The following TAFA2 variants were observed in gnomAD, a reference collection of about 807,000 sequenced individuals.
The protein encoded by TAFA2 is TAFA chemokine like family member 2.
TAFA2 carries 7 observed loss-of-function variants against 18.8 expected under a neutral mutation model. The observed-to-expected ratio is 0.37, with a 90% CI of 0.21 to 0.70. The LOEUF (loss-of-function observed/expected upper bound fraction) is 0.70, where lower values mean the gene tolerates loss of function less well. Ranked by LOEUF, TAFA2 falls within the 30% of genes least tolerant of loss-of-function variation. The probability of loss-of-function intolerance (pLI) is 0.53; values close to 1 mark genes in which losing one functional copy is unlikely to be tolerated. For synonymous variants in TAFA2, 60 were observed against 54.2 expected (o/e 1.11, Z -0.47); for missense variants, 122 against 158.1 (o/e 0.77, Z 1.23).
chr12:62,124,444 A>C (rs1306152724), intron 1 of TAFA2, among the ~76,000 whole-genome samples: 1 of 152,170 alleles, frequency 6.6e-6, no homozygotes, highest in Non-Finnish European at 1.5e-5. Flanking sequence ...AGAAAATGGA[A>C]TCACAAAGTG....
At chr12:61,955,779 AT>A (rs1364961885) in intron 1 of TAFA2, among the ~76,000 whole-genome samples, 1 of 150,870 alleles carries the variant, frequency 6.6e-6, no homozygotes, top group African/African-American at 2.4e-5. Context: ...AAATGTCTTA[AT>A]TTAATGTACA....
chr12:61,826,930 CT>C (rs1326942199), intron 2 of TAFA2, among the ~76,000 whole-genome samples: 1 of 152,030 alleles, frequency 6.6e-6, no homozygotes, highest in Non-Finnish European at 1.5e-5. Context: ...AAAAATTACA[CT>C]GACAAAATGA....
At chr12:61,867,199 T>C in intron 2 of TAFA2, 121 bp downstream of exon 2, 1 of 649,024 alleles carries the variant, frequency 1.5e-6, no homozygotes, top group South Asian at 1.8e-5. Context: ...TAAAGAAAAC[T>C]GCCAGGGGGA....
rs17125387 is a variant in TAFA2 at position 61,826,946 on chromosome 12, T to C, written c.106+40374A>G. 1.4e-3 allele frequency among the ~76,000 whole-genome samples: 210 copies of C among 152,194 alleles called. 4 individuals are homozygous for C. The highest frequency in any genetic ancestry group is 4.9e-3 in the African/African-American group (202 of 41,554). On this transcript the variant is annotated intron_variant, in intron 2 of 4. Coordinates refer to ENST00000416284, the MANE Select transcript of TAFA2 (RefSeq NM_178539.5). ...AAAATTACACTGACAAAATGACCTA[T>C]ACAGCAAGGACTGCAGGTTGTTCTC... is the stretch of plus-strand genomic sequence containing the variant.
chr12:62,064,725 C>G (rs1302643818), intron 1 of TAFA2, among the ~76,000 whole-genome samples: 1 of 152,068 alleles, frequency 6.6e-6, no homozygotes, highest in African/African-American at 2.4e-5. Flanking sequence ...TGCATTCCCT[C>G]ATAAGTGCTA....
intron 2 of TAFA2, among the ~76,000 whole-genome samples, chr12:61,794,039 A>G (rs987711544): frequency 3.9e-5 from 6 of 151,976 alleles, no homozygotes; most frequent in African/African-American, 7.2e-5. Context: ...AACTAGGTAT[A>G]GAAAACAACT....
At chr12:62,055,696 AC>A (rs1882170705) in intron 1 of TAFA2, among the ~76,000 whole-genome samples, 1 of 152,164 alleles carries the variant, frequency 6.6e-6, no homozygotes, top group African/African-American at 2.4e-5. Context: ...TCAGGTTATA[AC>A]CTTTTTATAA....
chr12:61,844,168 C>A (rs1873306690), intron 2 of TAFA2, among the ~76,000 whole-genome samples: 1 of 152,064 alleles, frequency 6.6e-6, no homozygotes, highest in South Asian at 2.1e-4. Context: ...CAATGAGAAT[C>A]CCACATTAAA....
In TAFA2 at chr12:61,708,333, G is replaced by A. The variant is rs1290073925; in HGVS notation, c.*2073C>T. ...AATAGTCACAACATTAATCTACTGGGGATAATCTAGTTAGTATATTTGAAA... is the reference window on the plus strand; with the variant it reads ...AATAGTCACAACATTAATCTACTGGAGATAATCTAGTTAGTATATTTGAAA... On this transcript the variant is annotated 3_prime_UTR_variant, in exon 5 of 5. Coordinates refer to ENST00000416284, the MANE Select transcript of TAFA2 (RefSeq NM_178539.5). The A allele has an allele frequency of 1.3e-5, 2 of 151,598 alleles. No homozygotes were observed. Among genetic ancestry groups the A allele is most frequent in the South Asian group, 4.2e-4 (2 of 4,802 alleles). The allele number at this position is 151,598 out of a possible 1,614,324, so 9.4% of individuals were successfully genotyped here. A position where few individuals can be genotyped will look rare whatever the true frequency, so the allele number is the denominator to read the frequency against.
At chr12:62,069,446 A>C (rs1429933420) in intron 1 of TAFA2, among the ~76,000 whole-genome samples, 1 of 152,178 alleles carries the variant, frequency 6.6e-6, no homozygotes, top group African/African-American at 2.4e-5. Context: ...TCTAGGGCTT[A>C]AGGTACTTCC....
chr12:61,811,075 A>G (rs1035013394), intron 2 of TAFA2, among the ~76,000 whole-genome samples: 2 of 151,312 alleles, frequency 1.3e-5, no homozygotes, highest in Admixed American at 6.6e-5. Context: ...TATTAATGTT[A>G]TATAACTTAT....
intron 2 of TAFA2, among the ~76,000 whole-genome samples, chr12:61,810,323 T>G (rs1366188155): frequency 6.6e-6 from 1 of 151,296 alleles, no homozygotes; most frequent in East Asian, 1.9e-4. Flanking sequence ...TTACTTTGTT[T>G]TTTTTTTTTA....
At chr12:62,063,213 A>C (rs1283065790) in intron 1 of TAFA2, among the ~76,000 whole-genome samples, 3 of 152,166 alleles carry the variant, frequency 2.0e-5, no homozygotes, top group African/African-American at 4.8e-5. Flanking sequence ...TTCAGCATGA[A>C]AGTTGTCCTG....
At chr12:61,815,618 G>A (rs572896698) in intron 2 of TAFA2, among the ~76,000 whole-genome samples, 3 of 150,044 alleles carry the variant, frequency 2.0e-5, no homozygotes, top group South Asian at 2.1e-4. Context: ...AGCCGAGATC[G>A]TGCCACTGCA....
intron 1 of TAFA2, among the ~76,000 whole-genome samples, chr12:62,058,156 A>G (rs749595569): frequency 6.6e-6 from 1 of 152,186 alleles, no homozygotes; most frequent in Non-Finnish European, 1.5e-5. Flanking sequence ...TGAGAAGTCA[A>G]CTATGCCTGT....
At chr12:61,721,956 A>C (rs1434792399) in intron 4 of TAFA2, among the ~76,000 whole-genome samples, 2 of 3,068 alleles carry the variant, frequency 6.5e-4, no homozygotes, top group Non-Finnish European at 1.3e-3. Context: ...ACTCTCTCTC[A>C]AAAAAAAAAA....
chr12:61,780,219 CTA>C (rs1159123549), intron 2 of TAFA2, among the ~76,000 whole-genome samples: 2 of 151,776 alleles, frequency 1.3e-5, no homozygotes, highest in African/African-American at 4.8e-5. Context: ...TGTACATGTG[CTA>C]TGACAGGACA....
chr12:61,921,043 A>G (rs1049467461), intron 1 of TAFA2, among the ~76,000 whole-genome samples: 8 of 152,160 alleles, frequency 5.3e-5, no homozygotes, highest in African/African-American at 1.9e-4. Flanking sequence ...AGTAGAACAG[A>G]AGAGAAAAGC....
At chr12:62,184,742 C>T (rs564243600) in intron 1 of TAFA2, among the ~76,000 whole-genome samples, 1 of 151,924 alleles carries the variant, frequency 6.6e-6, no homozygotes, top group Admixed American at 6.6e-5. Flanking sequence ...TCAAGTGATC[C>T]TCTTGCCTCA....
Sources: allele counts gnomAD v4.1 joint callset (sites outside exome capture counted in the v4.1 genomes callset), GRCh38; gene constraint gnomAD v4.1.1; transcripts MANE v1.5; gene names NCBI Gene and HGNC (gene_info 2026-07-23, HGNC 2026-07-21).